Variants in TCIRG1 observed in about 807,000 individuals in gnomAD.
TCIRG1 encodes V-type proton ATPase 116 kDa subunit a 3.
A neutral mutation model predicts 95.5 loss-of-function variants in TCIRG1; 86 were observed. That is an observed-to-expected ratio of 0.90 (90% confidence interval 0.76 to 1.08). TCIRG1 has a LOEUF of 1.08. Among genes scored for constraint, TCIRG1 ranks in the 50% least tolerant of loss-of-function variants. The pLI is 0.00. For missense variants in TCIRG1, 1,069 were observed against 1,140.2 expected (o/e 0.94, Z 0.90); for synonymous variants, 499 against 501.3 (o/e 1.00, Z 0.06).
Position 68,043,517 on chromosome 11 carries a change from C to G in TCIRG1, c.630+20C>G, listed in dbSNP as rs1855286344. The G allele has an allele frequency of 6.3e-7, 1 of 1,580,522 alleles. No homozygotes were observed. The highest frequency in any genetic ancestry group is 8.6e-7 in the Non-Finnish European group (1 of 1,163,392). On this transcript the variant is annotated intron_variant, in intron 6 of 19. Transcript: ENST00000265686. ...GTGACGGTGAGCAGCTGGCGCTGGG[C>G]TGGGGGGTCCTGGGCAGAGCGGGAC...
At chr11:68,047,255 C>CCCCG (rs1855539651) in intron 10 of TCIRG1, among the ~76,000 whole-genome samples, 178 bp from the exon 11 acceptor site, 1 of 22,726 alleles carries the variant, frequency 4.4e-5, no homozygotes, top group Non-Finnish European at 1.2e-4. Flanking sequence ...GGGTGATGCC[C>CCCCG]CCCCCCCCCC....
chr11:68,048,877 A>T lies in TCIRG1; in HGVS notation c.1555-2A>T, dbSNP rs758977199. 1 of 1,607,126 alleles carries T rather than the reference A, an allele frequency of 6.2e-7. No homozygotes were observed. The highest frequency in any genetic ancestry group is 2.2e-5 in the East Asian group (1 of 44,872). ...TCCAGCCCACCCCTGCTGCCACCCT[A>T]GATTTGGAGCCTGGCTGCCAACCAC... is the stretch of plus-strand genomic sequence containing the variant. On this transcript the variant is annotated splice_acceptor_variant, in intron 13 of 19. Coordinates refer to ENST00000265686, the MANE Select transcript of TCIRG1 (RefSeq NM_006019.4). LOFTEE classifies it high-confidence loss of function.
rs769737148 is a variant in TCIRG1, at chr11:68,045,058, T to C, written c.1121T>C (p.Ile374Thr). 6.2e-7 allele frequency: 1 copy of C among 1,605,302 alleles called. No individual in the cohort carries two copies. Among genetic ancestry groups the C allele is most frequent in the East Asian group, 2.2e-5 (1 of 44,880 alleles). Residue 374 changes from isoleucine to threonine, a missense_variant, in exon 10 of 20, where the codon ATC (isoleucine) becomes ACC (threonine). Physicochemically the swap from Ile to Thr is moderately conservative, Grantham distance 89. Coordinates refer to ENST00000265686, the MANE Select transcript of TCIRG1 (RefSeq NM_006019.4). ...CGCTTCACGGCCAGCTTCCAGGGCA[T>C]CGTGGATGCCTACGGCGTGGGCCGC... ...TNRFTASFQG[I>T]VDAYGVGRYQ... is the part of the protein sequence containing the mutation.
At chr11:68,039,507 T>C (rs868669273) in intron 1 of TCIRG1, among the ~76,000 whole-genome samples, 10 of 151,968 alleles carry the variant, frequency 6.6e-5, no homozygotes, top group Non-Finnish European at 1.5e-4. Context: ...CGCCAGACCC[T>C]CTCCTACTGC....
In TCIRG1 at chr11:68,049,647, G is replaced by A. The variant is rs561864824; in HGVS notation, c.1888-16G>A. ...GCACAGCAGGGACGCCCTGACTCTCGCCCTCTCCCTGGCAGGAGGTGGTCC... is the reference window on the plus strand; with the variant it reads ...GCACAGCAGGGACGCCCTGACTCTCACCCTCTCCCTGGCAGGAGGTGGTCC... On this transcript the variant is annotated splice_polypyrimidine_tract_variant and intron_variant, in intron 15 of 19. Transcript: ENST00000265686. 2.4e-5 allele frequency: 39 copies of A among 1,598,340 alleles called. No homozygotes were observed. In the South Asian group the frequency reaches 3.1e-4, roughly 13 times the overall value.
rs1248100615 is a variant in TCIRG1, at chr11:68,050,329, T to G, written c.2236+75T>G. The G allele has an allele frequency of 1.9e-5, 31 of 1,598,816 alleles. No individual in the cohort carries two copies. In the Middle Eastern group the frequency reaches 8.3e-4, roughly 43 times the overall value. ...TACCGCTGCTGGCTGGGCGGGTTGC[T>G]TCTCTCTGGGCCTCAGTTTCCCCTC... On this transcript the variant is annotated intron_variant, in intron 18 of 19. Transcript: ENST00000265686.
In TCIRG1 at chr11:68,049,849, T is replaced by C. The variant is rs957403692; in HGVS notation, c.2013+61T>C. The C allele has an allele frequency of 3.2e-6, 5 of 1,555,706 alleles. No individual in the cohort carries two copies. In the Admixed American group the frequency reaches 7.7e-5, roughly 24 times the overall value. ...CGGGGAGAGGCCACTGTCCGGTGTG[T>C]CCCTGACTCCTCGCTTCCTGACAGA... On this transcript the variant is annotated intron_variant, in intron 16 of 19. Transcript: ENST00000265686.
chr11:68,044,861 C>A (rs1298768180), intron 9 of TCIRG1, 97 bp from the exon 10 acceptor site: 3 of 1,503,438 alleles, frequency 2.0e-6, no homozygotes. Flanking sequence ...AGTGAGCCCC[C>A]ACAGGGCTCT....
chr11:68,049,235 T>C lies in TCIRG1; in HGVS notation c.1828T>C (p.Phe610Leu). ...AASAPSILIH[F>L]INMFLFSHSP... Reference sequence around the variant, plus strand: ...CTCGGCCCCCAGCATCCTCATCCACTTCATCAACATGTTCCTCTTCTCCCA... The same window carrying C: ...CTCGGCCCCCAGCATCCTCATCCACCTCATCAACATGTTCCTCTTCTCCCA... The change falls in exon 15 of 20, where the codon TTC (phenylalanine) becomes CTC (leucine). Residue 610 changes from phenylalanine (F) to leucine (L), a missense_variant. Transcript: ENST00000265686. 1 of 1,613,808 alleles carries C rather than the reference T, an allele frequency of 6.2e-7. No individual in the cohort carries two copies. Among genetic ancestry groups the C allele is most frequent in the Non-Finnish European group, 8.5e-7 (1 of 1,179,984 alleles).
intron 18 of TCIRG1, 89 bp from the exon 19 acceptor site, chr11:68,050,398 T>C (rs763944576): frequency 1.2e-5 from 19 of 1,609,382 alleles, no homozygotes; most frequent in Non-Finnish European, 1.6e-5. Context: ...TGGCCCCCCG[T>C]GCAGGGAGGG....
chr11:68,050,711 C>T, intron 19 of TCIRG1, 30 bp from the exon 20 acceptor site: 4 of 1,613,842 alleles, frequency 2.5e-6, no homozygotes, highest in South Asian at 2.2e-5. Context: ...GTGAGTTCCC[C>T]TCACCAACCC....
In TCIRG1 at chr11:68,049,810, T is replaced by TG. The variant is rs746283105; in HGVS notation, c.2013+28dup. ...ACAGGTGGGACCGGGGCCTAAGGTG[T>TG]GGGGGGCTGCTTGCGGGGAGAGGCC... On this transcript the variant is annotated intron_variant, in intron 16 of 19. Transcript: ENST00000265686. 5.1e-6 allele frequency: 8 copies of TG among 1,562,682 alleles called. No individual in the cohort carries two copies. In the South Asian group the frequency reaches 8.1e-5, roughly 16 times the overall value.
intron 18 of TCIRG1, 70 bp downstream of exon 18, chr11:68,050,324 G>A (rs977330664): frequency 6.3e-7 from 1 of 1,598,610 alleles, no homozygotes; most frequent in Non-Finnish European, 8.5e-7. Context: ...GGCTGGGCGG[G>A]TTGCTTCTCT....
downstream of TCIRG1, chr11:68,053,013 T>C (rs1855850837): frequency 6.6e-6 from 1 of 152,484 alleles, no homozygotes; most frequent in Non-Finnish European, 1.5e-5. Flanking sequence ...ACAGCTACAC[T>C]CGATCCACGC....
rs770186158 is a variant in TCIRG1, at chr11:68,050,117, T to C, written c.2119-20T>C. 8.8e-5 allele frequency: 142 copies of C among 1,612,468 alleles called. No individual in the cohort carries two copies. The highest frequency in any genetic ancestry group is 1.2e-4 in the Non-Finnish European group (140 of 1,179,682). On this transcript the variant is annotated intron_variant, in intron 17 of 19. Transcript: ENST00000265686. ...GGGACGGCTGAGGCCCTGCCGGCCC[T>C]CACTGCACCCGCCCCGCAGCTCGTC...
At chr11:68,050,284 C>T (rs759310518) in intron 18 of TCIRG1, 30 bp downstream of exon 18, 1 of 1,604,622 alleles carries the variant, frequency 6.2e-7, no homozygotes, top group Non-Finnish European at 8.5e-7. Context: ...ACGGCTGGCC[C>T]CAGCTCCTGG....
downstream of TCIRG1, chr11:68,051,958 G>A (rs140436927): frequency 2.7e-3 from 410 of 152,862 alleles, 3 homozygotes; most frequent in Non-Finnish European, 3.2e-3. Flanking sequence ...AGTCAGCCCC[G>A]CCCTGGCTTT....
At position 68,049,016 on chromosome 11, in the gene TCIRG1, C is replaced by T. The variant is rs150496961; in HGVS notation, c.1673+19C>T. On this transcript the variant is annotated intron_variant, in intron 14 of 19. Coordinates refer to ENST00000265686, the MANE Select transcript of TCIRG1 (RefSeq NM_006019.4). ...ACCACGTGTGAGGGCCAAGGCTGCC[C>T]GGGGGACGGGAGGCTGGCAGGCCAG... 86 of 1,613,004 alleles carry T rather than the reference C, an allele frequency of 5.3e-5. No individual in the cohort carries two copies. Among genetic ancestry groups the T allele is most frequent in the African/African-American group, 5.2e-4 (39 of 75,050 alleles).
rs957168448 is a variant in TCIRG1, at chr11:68,044,364, G to T, written c.1020+20G>T. The stretch of plus-strand genomic sequence containing the variant: ...AGCTCGGTGAGCAGCCTGAGGCCTC[G>T]CCCCCTCTCCGCCCGCCCCTCCTAC... On this transcript the variant is annotated intron_variant, in intron 9 of 19. Coordinates refer to ENST00000265686, the MANE Select transcript of TCIRG1 (RefSeq NM_006019.4). 3 of 1,533,696 alleles carry T rather than the reference G, an allele frequency of 2.0e-6. No individual in the cohort carries two copies. Among genetic ancestry groups the T allele is most frequent in the Non-Finnish European group, 2.6e-6 (3 of 1,142,300 alleles).
Sources: gnomAD v4.1 joint callset for allele counts (sites outside exome capture counted in the v4.1 genomes callset) on GRCh38, gnomAD v4.1.1 for gene constraint, MANE v1.5 for transcripts, NCBI Gene and HGNC (gene_info 2026-07-23, HGNC 2026-07-21) for gene names.